Variants in PIK3C2G observed in about 807,000 individuals in gnomAD.
The protein encoded by PIK3C2G is phosphatidylinositol-4-phosphate 3-kinase catalytic subunit type 2 gamma.
In PIK3C2G, 168 loss-of-function variants were observed where a neutral mutation model predicts 181.1. The ratio of observed to expected loss-of-function variants is 0.93; its 90% confidence interval spans 0.82 to 1.05. The LOEUF (loss-of-function observed/expected upper bound fraction) is 1.05. PIK3C2G is among the 50% of genes least tolerant of loss of function. The pLI is 0.00. For missense variants in PIK3C2G, 1,869 were observed against 1,732.8 expected (o/e 1.08, Z -1.40); for synonymous variants, 573 against 592.2 (o/e 0.97, Z 0.47).
chr12:18,557,543 G>A (rs181026987), intron 26 of PIK3C2G, among the ~76,000 whole-genome samples: 1 of 152,194 alleles, frequency 6.6e-6, no homozygotes, highest in East Asian at 1.9e-4. Flanking sequence ...ACGCTTAACA[G>A]TAAACATTGA....
chr12:18,648,872 T>A (rs185718244), downstream of PIK3C2G, among the ~76,000 whole-genome samples: 11 of 152,236 alleles, frequency 7.2e-5, no homozygotes, highest in East Asian at 1.5e-3. Flanking sequence ...ATCAAAAAAA[T>A]TTTTTAATCT....
chr12:18,655,617 C>G, the PIK3C2G span, among the ~76,000 whole-genome samples: 2 of 152,082 alleles, frequency 1.3e-5, no homozygotes, highest in Non-Finnish European at 2.9e-5. Context: ...AATACTGCCT[C>G]AGGCAGGTAG....
At chr12:18,585,810 T>C (rs1428237845) in intron 29 of PIK3C2G, among the ~76,000 whole-genome samples, 2 of 152,166 alleles carry the variant, frequency 1.3e-5, no homozygotes, top group South Asian at 4.1e-4. Flanking sequence ...ATAACAATGC[T>C]CAGCAAATTC....
downstream of PIK3C2G, among the ~76,000 whole-genome samples, chr12:18,650,718 A>G (rs796543551): frequency 0.11 from 744 of 6,958 alleles, 36 homozygotes; most frequent in African/African-American, 0.33. Flanking sequence ...ATATCTATAT[A>G]TATATATATA....
intron 25 of PIK3C2G, among the ~76,000 whole-genome samples, chr12:18,545,854 C>T (rs900502505): frequency 6.6e-6 from 1 of 151,834 alleles, no homozygotes; most frequent in African/African-American, 2.4e-5. Flanking sequence ...TTAAACTTTT[C>T]TTCTCTAAAA....
At chr12:18,511,328 T>C (rs574849507) in intron 24 of PIK3C2G, among the ~76,000 whole-genome samples, 6 of 152,254 alleles carry the variant, frequency 3.9e-5, no homozygotes, top group African/African-American at 1.4e-4. Context: ...TTTCCATTCT[T>C]TTGAAGAAAT....
intron 1 of PIK3C2G, among the ~76,000 whole-genome samples, chr12:18,266,210 C>A (rs543978994): frequency 6.6e-6 from 1 of 151,966 alleles, no homozygotes; most frequent in South Asian, 2.1e-4. Context: ...AATGTTATCA[C>A]ATTTTGATTC....
chr12:18,677,528 G>A, the PIK3C2G span, among the ~76,000 whole-genome samples: 18 of 152,132 alleles, frequency 1.2e-4, no homozygotes, highest in South Asian at 8.3e-4. Flanking sequence ...GTGAATTTTC[G>A]TCTCTTAAAA....
chr12:18,687,450 A>G, the PIK3C2G span, among the ~76,000 whole-genome samples: 1 of 152,114 alleles, frequency 6.6e-6, no homozygotes, highest in South Asian at 2.1e-4. Context: ...CAATCCCAGG[A>G]ACCTATCCTT....
chr12:18,612,114 A>T (rs2136612798), intron 31 of PIK3C2G, among the ~76,000 whole-genome samples: 1 of 152,188 alleles, frequency 6.6e-6, no homozygotes, highest in East Asian at 1.9e-4. Flanking sequence ...AGACTCCCTC[A>T]GTCACTCCGT....
At chr12:18,335,459 G>C (rs188429918) in intron 8 of PIK3C2G, among the ~76,000 whole-genome samples, 2 of 148,652 alleles carry the variant, frequency 1.3e-5, no homozygotes, top group East Asian at 4.1e-4. Flanking sequence ...CATGTGGGGA[G>C]TGTGTGTGTG....
intron 7 of PIK3C2G, among the ~76,000 whole-genome samples, chr12:18,321,942 T>G (rs1354809100): frequency 6.6e-6 from 1 of 151,404 alleles, no homozygotes; most frequent in Non-Finnish European, 1.5e-5. Context: ...CCCATCAGAG[T>G]TGGGGAGGGA....
At position 18,492,042 on chromosome 12, in the gene PIK3C2G, C is replaced by T. The variant is rs867196935; in HGVS notation, c.2793+484C>T. On this transcript the variant is annotated intron_variant, in intron 20 of 32. Coordinates refer to ENST00000538779, the MANE Select transcript of PIK3C2G (RefSeq NM_001288772.2). The stretch of plus-strand genomic sequence containing the variant: ...GTCATATAGTTTGTGATTTTACTCA[C>T]GCCTAGAAAGCCCATCTTGGCATTG... 6.6e-5 allele frequency among the ~76,000 whole-genome samples: 10 copies of T among 152,292 alleles called. 1 individual carries two copies. In the Middle Eastern group the frequency reaches 0.017, roughly 259 times the overall value.
the PIK3C2G span, among the ~76,000 whole-genome samples, chr12:18,709,726 A>T: frequency 6.6e-6 from 1 of 152,044 alleles, no homozygotes; most frequent in African/African-American, 2.4e-5. Context: ...AAGGGAAAAA[A>T]AACCCTGTGT....
chr12:18,346,517 G>A, intron 10 of PIK3C2G, 124 bp from the exon 11 acceptor site: 1 of 569,436 alleles, frequency 1.8e-6, no homozygotes. Flanking sequence ...CTCTTCAATT[G>A]GTAAAGGGTC....
chr12:18,510,818 C>T (rs1161500599), intron 24 of PIK3C2G, among the ~76,000 whole-genome samples: 2 of 152,108 alleles, frequency 1.3e-5, no homozygotes, highest in Admixed American at 1.3e-4. Context: ...ACAGCCACCA[C>T]CTTGCTTACC....
chr12:18,604,160 A>G (rs1947886817), intron 30 of PIK3C2G, among the ~76,000 whole-genome samples: 2 of 152,202 alleles, frequency 1.3e-5, no homozygotes, highest in South Asian at 2.1e-4. Context: ...CACCTAACAC[A>G]TAAGCATTCA....
At chr12:18,398,150 G>C (rs1944004492) in intron 15 of PIK3C2G, among the ~76,000 whole-genome samples, 1 of 152,120 alleles carries the variant, frequency 6.6e-6, no homozygotes, top group Non-Finnish European at 1.5e-5. Context: ...TATCTTGATA[G>C]GAGTGTGGTT....
At chr12:18,658,386 C>T in the PIK3C2G span, among the ~76,000 whole-genome samples, 16 of 152,154 alleles carry the variant, frequency 1.1e-4, 1 homozygote, top group African/African-American at 2.6e-4. Context: ...CAATGAGACA[C>T]GCTATAATCA....
Sources: gnomAD v4.1 joint callset for allele counts (sites outside exome capture counted in the v4.1 genomes callset) on GRCh38, gnomAD v4.1.1 for gene constraint, MANE v1.5 for transcripts, NCBI Gene and HGNC (gene_info 2026-07-23, HGNC 2026-07-21) for gene names.